The following ANKS1B variants were observed in gnomAD, a reference collection of about 807,000 sequenced individuals.
The protein encoded by ANKS1B is ankyrin repeat and sterile alpha motif domain containing 1B.
In ANKS1B, 36 loss-of-function variants were observed where a neutral mutation model predicts 148.3. That is an observed-to-expected ratio of 0.24 (90% CI 0.19 to 0.32). ANKS1B has a LOEUF of 0.32. ANKS1B is among the 10% of genes least tolerant of loss of function. The pLI is 1.00. For missense variants in ANKS1B, 1,157 were observed against 1,542.6 expected, an observed-to-expected ratio of 0.75 and a Z score of 4.19; for synonymous variants, 542 against 560.8, an observed-to-expected ratio of 0.97 and a Z score of 0.47.
At position 99,585,194 on chromosome 12, in the gene ANKS1B, G is replaced by A. The variant is rs1471339428; in HGVS notation, c.1272+69873C>T. On this transcript the variant is annotated intron_variant, in intron 9 of 26. Coordinates refer to ENST00000683438, the MANE Select transcript of ANKS1B (RefSeq NM_001352186.2). Reference sequence around the variant, plus strand: ...GATACAATGGAGGTCCAGGCATTGGGTAAATACACCCATTCCAAATGGGAG... The same window carrying A: ...GATACAATGGAGGTCCAGGCATTGGATAAATACACCCATTCCAAATGGGAG... Among the ~76,000 whole-genome samples the A allele has an allele frequency of 2.0e-5, 3 of 152,210 alleles. No individual in the cohort carries two copies. In the East Asian group the frequency reaches 5.8e-4, roughly 29 times the overall value.
At chr12:98,788,669 C>T (rs1466643038) in intron 22 of ANKS1B, among the ~76,000 whole-genome samples, 1 of 152,178 alleles carries the variant, frequency 6.6e-6, no homozygotes, top group South Asian at 2.1e-4. Flanking sequence ...CAGCACAAAG[C>T]GGTGCCCTCC....
rs557692231 is a variant in ANKS1B at position 99,321,247 on chromosome 12, TTTAAC to T, written c.1757-74388_1757-74384del. 4.1e-4 allele frequency among the ~76,000 whole-genome samples: 63 copies of T among 152,226 alleles called. 2 individuals are homozygous for T. The East Asian group carries it at 0.01, about 25-fold the overall frequency. ...TCTTCAAAGCTGTCAGACAGGGAGG[TTTAAC>T]TCTGCAGAAGTTTCTGCTGCCTTTT... On this transcript the variant is annotated intron_variant, in intron 12 of 26. Coordinates refer to ENST00000683438, the MANE Select transcript of ANKS1B (RefSeq NM_001352186.2).
At chr12:99,162,790 G>C (rs1202127948) in intron 14 of ANKS1B, among the ~76,000 whole-genome samples, 1 of 152,144 alleles carries the variant, frequency 6.6e-6, no homozygotes, top group African/African-American at 2.4e-5. Flanking sequence ...GGCCGGGCGT[G>C]GTGGCTCACG....
rs891962201 is a variant in ANKS1B at position 99,604,828 on chromosome 12, A to G, written c.1272+50239T>C. ...AAAACTCTATCTCAAAAAAAAAAAA[A>G]AAAAGAAAAGAAAAGAAAAAATTGT... On this transcript the variant is annotated intron_variant, in intron 9 of 26. Transcript: ENST00000683438. Among the ~76,000 whole-genome samples the G allele has an allele frequency of 1.1e-3, 162 of 151,326 alleles. 1 individual carries two copies. Among genetic ancestry groups the G allele is most frequent in the African/African-American group, 1.9e-3 (80 of 41,408 alleles).
At chr12:99,577,575 A>T (rs2097530875) in intron 9 of ANKS1B, among the ~76,000 whole-genome samples, 1 of 151,960 alleles carries the variant, frequency 6.6e-6, no homozygotes, top group Non-Finnish European at 1.5e-5. Context: ...AATACAAAAA[A>T]ACCCTCAGAG....
Position 99,753,025 on chromosome 12 carries a change from T to C in ANKS1B, c.1128+19897A>G, listed in dbSNP as rs148744637. ...ATGACTGATTCATTGTTAAACTGCATGATTATATAGTATAAAGATTATAAA... is the reference window on the plus strand; with the variant it reads ...ATGACTGATTCATTGTTAAACTGCACGATTATATAGTATAAAGATTATAAA... On this transcript the variant is annotated intron_variant, in intron 8 of 26. Coordinates refer to ENST00000683438, the MANE Select transcript of ANKS1B (RefSeq NM_001352186.2). Among the ~76,000 whole-genome samples the C allele has an allele frequency of 7.4e-3, 1,131 of 152,240 alleles. 6 individuals carry two copies. The highest frequency in any genetic ancestry group is 0.011 in the Non-Finnish European group (747 of 67,994).
chr12:98,800,923 T>C (rs1594126542), intron 21 of ANKS1B, 74 bp downstream of exon 21: 2 of 1,496,696 alleles, frequency 1.3e-6, no homozygotes, highest in Non-Finnish European at 1.8e-6. Flanking sequence ...ATATTTTCAA[T>C]GTAAATGCAA....
At chr12:99,364,880 AG>A (rs2092685188) in intron 12 of ANKS1B, among the ~76,000 whole-genome samples, 1 of 152,312 alleles carries the variant, frequency 6.6e-6, no homozygotes, top group African/African-American at 2.4e-5. Flanking sequence ...CAAGGGTCCT[AG>A]GGGCAGTGAG....
At chr12:99,239,493 T>G (rs754587769) in intron 14 of ANKS1B, among the ~76,000 whole-genome samples, 1 of 152,172 alleles carries the variant, frequency 6.6e-6, no homozygotes, top group Non-Finnish European at 1.5e-5. Flanking sequence ...AAAACACTCT[T>G]CAGGATATTA....
At chr12:99,369,957 CTG>C (rs1324316884) in intron 12 of ANKS1B, among the ~76,000 whole-genome samples, 2 of 152,138 alleles carry the variant, frequency 1.3e-5, no homozygotes, top group Admixed American at 6.6e-5. Flanking sequence ...GTTAATTACA[CTG>C]TTCTTTCAAC....
intron 17 of ANKS1B, among the ~76,000 whole-genome samples, chr12:98,988,204 TTCC>T (rs1173964924): frequency 6.6e-6 from 1 of 152,200 alleles, no homozygotes; most frequent in Non-Finnish European, 1.5e-5. Context: ...CTTAAACTTA[TTCC>T]TCCTATCTAA....
chr12:99,008,437 A>G (rs2099937417), intron 17 of ANKS1B, among the ~76,000 whole-genome samples: 1 of 152,226 alleles, frequency 6.6e-6, no homozygotes, highest in Non-Finnish European at 1.5e-5. Flanking sequence ...AATTTGGAAT[A>G]TTATAAGATA....
intron 12 of ANKS1B, among the ~76,000 whole-genome samples, chr12:99,355,030 G>GTATGATATC (rs1341897847): frequency 6.6e-6 from 1 of 151,556 alleles, no homozygotes; most frequent in Non-Finnish European, 1.5e-5. Context: ...ATAACTAACA[G>GTATGATATC]TATGATATCT....
At chr12:98,769,165 C>CTTGTTTTTTTTTTTTTTTTTTT (rs2098532444) in intron 25 of ANKS1B, among the ~76,000 whole-genome samples, 1 of 41,216 alleles carries the variant, frequency 2.4e-5, no homozygotes, top group East Asian at 1.3e-3. Flanking sequence ...GTCTTCTTTA[C>CTTGTTTTTTTTTTTTTTTTTTT]TTTTTTTTTT....
At chr12:99,780,466 T>TAG (rs2064163461) in intron 5 of ANKS1B, among the ~76,000 whole-genome samples, 1 of 151,720 alleles carries the variant, frequency 6.6e-6, no homozygotes, top group Non-Finnish European at 1.5e-5. Flanking sequence ...GTATTTTTAG[T>TAG]AGAGACGGGG....
intron 1 of ANKS1B, among the ~76,000 whole-genome samples, chr12:99,905,857 TAC>T (rs2093759738): frequency 6.6e-6 from 1 of 152,144 alleles, no homozygotes; most frequent in Admixed American, 6.5e-5. Flanking sequence ...TGTCTCCAAA[TAC>T]AGTCACATTA....
In ANKS1B at chr12:98,745,154, G is replaced by T; in HGVS notation, c.*585C>A. ...GAAAGGTTTTCTTTCTCTGACATAG[G>T]TGATTACATATAAAATCCACAAATA... On this transcript the variant is annotated 3_prime_UTR_variant, in exon 27 of 27. Transcript: ENST00000683438. 2.0e-6 allele frequency: 2 copies of T among 985,672 alleles called. No individual in the cohort carries two copies. Among genetic ancestry groups the T allele is most frequent in the Non-Finnish European group, 2.4e-6 (2 of 829,888 alleles). 61.1% of individuals were successfully genotyped at this position (985,672 alleles called of 1,614,324 possible).
chr12:99,327,605 G>C (rs1462586047), intron 12 of ANKS1B, among the ~76,000 whole-genome samples: 1 of 148,428 alleles, frequency 6.7e-6, no homozygotes, highest in East Asian at 1.9e-4. Context: ...GCATGACTCT[G>C]TGTGTTAGGG....
At chr12:99,785,656 C>T (rs1337825565) in intron 4 of ANKS1B, among the ~76,000 whole-genome samples, 7 of 152,152 alleles carry the variant, frequency 4.6e-5, no homozygotes, top group Non-Finnish European at 8.8e-5. Flanking sequence ...TGGTCTTGAA[C>T]TCCTGACCTC....
Sources: allele counts gnomAD v4.1 joint callset (sites outside exome capture counted in the v4.1 genomes callset), GRCh38; gene constraint gnomAD v4.1.1; transcripts MANE v1.5; gene names NCBI Gene and HGNC (gene_info 2026-07-23, HGNC 2026-07-21).